SAMD12: variants seen among roughly 807,000 people sequenced by gnomAD.
SAMD12 encodes sterile alpha motif domain containing 12, also known as sterile alpha motif domain-containing protein 12.
Under a neutral mutation model 15.0 loss-of-function variants are expected in SAMD12, and 9 were observed. The observed-to-expected ratio is 0.60, with a 90% CI of 0.36 to 1.05. SAMD12 has a LOEUF of 1.05. Among genes scored for constraint, SAMD12 ranks in the 50% least tolerant of loss-of-function variants. The probability of loss-of-function intolerance (pLI) is 0.01; values close to 1 mark genes in which losing one functional copy is unlikely to be tolerated. For missense variants in SAMD12, 230 were observed against 234.2 expected (o/e 0.98, Z 0.12); for synonymous variants, 86 against 90.1 (o/e 0.96, Z 0.25).
chr8:118,534,678 T>C (rs958846982), intron 2 of SAMD12, among the ~76,000 whole-genome samples: 1 of 152,216 alleles, frequency 6.6e-6, no homozygotes, highest in Admixed American at 6.5e-5. Context: ...CTCTTTTTGC[T>C]TCATTTCATC....
intron 4 of SAMD12, among the ~76,000 whole-genome samples, chr8:118,251,024 T>G (rs990034256): frequency 2.0e-5 from 3 of 152,036 alleles, no homozygotes; most frequent in African/African-American, 7.2e-5. Flanking sequence ...AAAACCAAGA[T>G]ACACAGAGGT....
intron 2 of SAMD12, among the ~76,000 whole-genome samples, chr8:118,451,576 T>A (rs1442797342): frequency 6.6e-6 from 1 of 152,202 alleles, no homozygotes; most frequent in African/African-American, 2.4e-5. Context: ...AGTCTAAGTG[T>A]TTTATTTGGA....
chr8:118,384,526 C>A (rs544182654), intron 3 of SAMD12, among the ~76,000 whole-genome samples: 1 of 152,058 alleles, frequency 6.6e-6, no homozygotes, highest in African/African-American at 2.4e-5. Context: ...TTACAATGCC[C>A]AGAAGTGGGG....
intron 4 of SAMD12, among the ~76,000 whole-genome samples, chr8:118,332,348 A>G (rs140910428): frequency 5.8e-4 from 89 of 152,358 alleles, no homozygotes; most frequent in Admixed American, 1.0e-3. Flanking sequence ...CTTCACTCAT[A>G]TGAATGAACA....
At chr8:118,137,219 T>G in the SAMD12 span, among the ~76,000 whole-genome samples, 1 of 152,210 alleles carries the variant, frequency 6.6e-6, no homozygotes, top group Admixed American at 6.5e-5. Flanking sequence ...TCTGATTGAT[T>G]GTGGAAAGCA....
At chr8:118,171,728 ATTTTT>A in the SAMD12 span, among the ~76,000 whole-genome samples, 9 of 136,226 alleles carry the variant, frequency 6.6e-5, no homozygotes, top group Non-Finnish European at 9.3e-5. Context: ...TGGGTACAGG[ATTTTT>A]TTTTTTTTTT....
In SAMD12 at chr8:118,201,199, C is replaced by T. The variant is rs972375601; in HGVS notation, c.434-3467G>A. ...AATATGTGGTCTTTGATATACAACG[C>T]TCTTTGGGCTCCATCCCCTGTGCTT... On this transcript the variant is annotated intron_variant, in intron 4 of 4. Transcript: ENST00000409003. 2.0e-5 allele frequency among the ~76,000 whole-genome samples: 3 copies of T among 152,200 alleles called. 1 individual carries two copies. The highest frequency in any genetic ancestry group is 4.4e-5 in the Non-Finnish European group (3 of 68,032).
At chr8:118,582,876 C>T (rs1456041508) in intron 1 of SAMD12, among the ~76,000 whole-genome samples, 1 of 150,620 alleles carries the variant, frequency 6.6e-6, no homozygotes, top group African/African-American at 2.4e-5. Context: ...AGCTGATTTG[C>T]ATCTCGGTAG....
chr8:118,284,634 A>T (rs1460249951), intron 4 of SAMD12: 1 of 238,146 alleles, frequency 4.2e-6, no homozygotes, highest in Non-Finnish European at 8.3e-6. Context: ...AATGGGCTAC[A>T]GGAGAATCTT....
chr8:118,514,830 G>T (rs577346260), intron 2 of SAMD12, among the ~76,000 whole-genome samples: 2 of 152,156 alleles, frequency 1.3e-5, no homozygotes, highest in Admixed American at 6.5e-5. Context: ...TACTTAGGAC[G>T]GGTTAGTTGC....
intron 4 of SAMD12, among the ~76,000 whole-genome samples, chr8:118,353,458 G>A (rs948956631): frequency 3.3e-5 from 5 of 151,926 alleles, no homozygotes; most frequent in Admixed American, 6.6e-5. Context: ...AGAAGAGACA[G>A]AAGAGAAATT....
intron 4 of SAMD12, among the ~76,000 whole-genome samples, chr8:118,269,591 C>T (rs1179874718): frequency 6.6e-6 from 1 of 152,066 alleles, no homozygotes; most frequent in Non-Finnish European, 1.5e-5. Flanking sequence ...GTTCCAAATA[C>T]CTGAGAGTTG....
At chr8:118,387,244 A>G (rs1441261362) in intron 3 of SAMD12, among the ~76,000 whole-genome samples, 1 of 152,232 alleles carries the variant, frequency 6.6e-6, no homozygotes, top group African/African-American at 2.4e-5. Flanking sequence ...CACAGCTAAC[A>G]GGTGTAGATA....
At chr8:118,260,210 C>T (rs918999411) in intron 4 of SAMD12, among the ~76,000 whole-genome samples, 1 of 152,036 alleles carries the variant, frequency 6.6e-6, no homozygotes, top group Non-Finnish European at 1.5e-5. Context: ...CTTTGGTCAT[C>T]CTGATGATTT....
intron 4 of SAMD12, among the ~76,000 whole-genome samples, chr8:118,263,505 G>C (rs1344715446): frequency 1.3e-5 from 2 of 151,892 alleles, no homozygotes; most frequent in Non-Finnish European, 2.9e-5. Flanking sequence ...ATGTACCCCA[G>C]AAAAAAATCT....
chr8:118,482,716 G>A (rs1824162341), intron 2 of SAMD12, among the ~76,000 whole-genome samples: 1 of 152,160 alleles, frequency 6.6e-6, no homozygotes. Context: ...ATCCCTCACA[G>A]GTATGGAAGG....
At chr8:118,382,101 G>C (rs1052800624) in intron 3 of SAMD12, among the ~76,000 whole-genome samples, 1 of 152,158 alleles carries the variant, frequency 6.6e-6, no homozygotes, top group African/African-American at 2.4e-5. Flanking sequence ...TGGATAATTG[G>C]CCTCCAAATA....
At chr8:118,260,985 G>T (rs569828953) in intron 4 of SAMD12, among the ~76,000 whole-genome samples, 21 of 152,174 alleles carry the variant, frequency 1.4e-4, no homozygotes, top group African/African-American at 4.8e-4. Context: ...TTTCACAACA[G>T]TCTTACTCAT....
intron 4 of SAMD12, among the ~76,000 whole-genome samples, chr8:118,255,283 C>T (rs1242191589): frequency 6.6e-6 from 1 of 152,066 alleles, no homozygotes; most frequent in African/African-American, 2.4e-5. Flanking sequence ...ACAAGAACAA[C>T]AACAACAACA....
Sources: gnomAD v4.1 joint callset for allele counts (sites outside exome capture counted in the v4.1 genomes callset) on GRCh38, gnomAD v4.1.1 for gene constraint, MANE v1.5 for transcripts, NCBI Gene and HGNC (gene_info 2026-07-23, HGNC 2026-07-21) for gene names.